Variants in ATRNL1 observed in about 807,000 individuals in gnomAD.
ATRNL1 encodes attractin-like protein 1.
A neutral mutation model predicts 182.7 loss-of-function variants in ATRNL1; 95 were observed. That is an observed-to-expected ratio of 0.52 (90% confidence interval 0.44 to 0.62). The LOEUF (loss-of-function observed/expected upper bound fraction) is 0.62, where lower values mean the gene tolerates loss of function less well. ATRNL1 is among the 20% of genes least tolerant of loss of function. The probability of loss-of-function intolerance (pLI) is 0.00; values close to 1 mark genes in which losing one functional copy is unlikely to be tolerated. For missense variants in ATRNL1, 1,471 were observed against 1,679.5 expected (o/e 0.88, Z 2.17); for synonymous variants, 576 against 568.3 (o/e 1.01, Z -0.19).
chr10:115,407,231 C>A (rs1411648367), intron 20 of ATRNL1, among the ~76,000 whole-genome samples: 1 of 152,058 alleles, frequency 6.6e-6, no homozygotes, highest in Non-Finnish European at 1.5e-5. Flanking sequence ...GTGTTAGGAA[C>A]ATTAACACAA....
intron 19 of ATRNL1, among the ~76,000 whole-genome samples, chr10:115,367,510 C>T (rs1554946376): frequency 6.6e-6 from 1 of 151,798 alleles, no homozygotes; most frequent in Non-Finnish European, 1.5e-5. Context: ...AAGCCTTCTT[C>T]TCTCAGCTCG....
intron 27 of ATRNL1, among the ~76,000 whole-genome samples, chr10:115,764,253 C>T (rs1203436427): frequency 2.0e-5 from 3 of 152,186 alleles, no homozygotes; most frequent in African/African-American, 7.2e-5. Flanking sequence ...TCATCATTAT[C>T]AGCATCCCCA....
intron 26 of ATRNL1, among the ~76,000 whole-genome samples, chr10:115,690,112 G>A (rs991070652): frequency 6.6e-6 from 1 of 152,112 alleles, no homozygotes; most frequent in Non-Finnish European, 1.5e-5. Context: ...GTCCCAGACA[G>A]GGAGGTCTTG....
chr10:115,745,131 C>G (rs114035602), intron 27 of ATRNL1, among the ~76,000 whole-genome samples: 43 of 146,500 alleles, frequency 2.9e-4, no homozygotes, highest in African/African-American at 1.1e-3. Context: ...GAAAATGGAA[C>G]TTTTTTTTTT....
At chr10:115,586,802 T>G (rs1555010085) in intron 26 of ATRNL1, among the ~76,000 whole-genome samples, 1 of 114,572 alleles carries the variant, frequency 8.7e-6, no homozygotes, top group African/African-American at 2.7e-5. Context: ...GGTGAGGAAC[T>G]GCATTCCTTT....
chr10:115,767,019 G>A (rs1249485760), intron 27 of ATRNL1, among the ~76,000 whole-genome samples: 4 of 152,064 alleles, frequency 2.6e-5, no homozygotes, highest in African/African-American at 9.7e-5. Flanking sequence ...TTTTTAGACT[G>A]CAAAGCCTTT....
chr10:115,613,765 C>T (rs1266216312), intron 26 of ATRNL1, among the ~76,000 whole-genome samples: 1 of 151,626 alleles, frequency 6.6e-6, no homozygotes, highest in African/African-American at 2.4e-5. Context: ...TTTATTTTTC[C>T]CAGAATTTAT....
chr10:115,286,470 G>T (rs1400561709), intron 15 of ATRNL1, 73 bp downstream of exon 15: 1 of 982,168 alleles, frequency 1.0e-6, no homozygotes, highest in Non-Finnish European at 1.4e-6. Context: ...TTTTTTTTTG[G>T]TTTTAATACA....
intron 24 of ATRNL1, among the ~76,000 whole-genome samples, chr10:115,492,495 C>T (rs547695257): frequency 1.3e-5 from 2 of 150,498 alleles, no homozygotes; most frequent in Admixed American, 1.3e-4. Flanking sequence ...TATTAGTTTA[C>T]TTTGAGGTTC....
At chr10:115,717,548 C>CTTTTTTTTTTTTTTTTTTTTTTTT (rs61386440) in intron 26 of ATRNL1, among the ~76,000 whole-genome samples, 1 of 84,350 alleles carries the variant, frequency 1.2e-5, no homozygotes. Flanking sequence ...CTGAAATGTT[C>CTTTTTTTTTTTTTTTTTTTTTTTT]TTTTTTTTTT....
chr10:115,305,755 T>C (rs955938356), intron 17 of ATRNL1, among the ~76,000 whole-genome samples: 4 of 152,152 alleles, frequency 2.6e-5, no homozygotes, highest in Non-Finnish European at 4.4e-5. Context: ...TGTTTAGAAA[T>C]GCGTATTTAG....
At chr10:115,838,676 G>T (rs894560566) in intron 27 of ATRNL1, among the ~76,000 whole-genome samples, 1 of 152,112 alleles carries the variant, frequency 6.6e-6, no homozygotes, top group Non-Finnish European at 1.5e-5. Context: ...TTAGCATTCT[G>T]TGAAAGCTGA....
intron 21 of ATRNL1, among the ~76,000 whole-genome samples, chr10:115,434,182 T>C (rs76812420): frequency 0.031 from 4,788 of 152,258 alleles, 243 homozygotes; most frequent in African/African-American, 0.11. Flanking sequence ...ATAATATTAT[T>C]GTGAATGTTT....
intron 27 of ATRNL1, among the ~76,000 whole-genome samples, chr10:115,804,502 G>A (rs1441315366): frequency 6.6e-6 from 1 of 152,140 alleles, no homozygotes; most frequent in East Asian, 1.9e-4. Flanking sequence ...ACAATGAGAA[G>A]ACAGCCATGT....
At chr10:115,466,369 G>A (rs1370096183) in intron 22 of ATRNL1, among the ~76,000 whole-genome samples, 4 of 151,242 alleles carry the variant, frequency 2.6e-5, no homozygotes, top group Non-Finnish European at 5.9e-5. Flanking sequence ...TTAAAATAAA[G>A]CATAATACAC....
At chr10:115,336,928 C>T (rs1855508741) in intron 19 of ATRNL1, among the ~76,000 whole-genome samples, 1 of 150,366 alleles carries the variant, frequency 6.7e-6, no homozygotes, top group Admixed American at 6.6e-5. Context: ...TCACTGCAAC[C>T]TCTGTGTCCT....
chr10:115,509,587 A>T (rs1269958611), intron 24 of ATRNL1, among the ~76,000 whole-genome samples: 2 of 151,914 alleles, frequency 1.3e-5, no homozygotes, highest in African/African-American at 4.8e-5. Context: ...CCATGATTCT[A>T]AGTTTACTGA....
At chr10:115,462,349 C>G (rs1240911244) in intron 22 of ATRNL1, among the ~76,000 whole-genome samples, 5 of 152,142 alleles carry the variant, frequency 3.3e-5, no homozygotes, top group Non-Finnish European at 5.9e-5. Context: ...CGCAGTGGCT[C>G]ATGCCTGTAA....
chr10:115,418,012 G>A (rs560421271), intron 20 of ATRNL1, among the ~76,000 whole-genome samples: 1 of 152,186 alleles, frequency 6.6e-6, no homozygotes, highest in Admixed American at 6.5e-5. Context: ...ACACATTGTT[G>A]CATGTCCATA....
Sources: allele counts gnomAD v4.1 joint callset (sites outside exome capture counted in the v4.1 genomes callset), GRCh38; gene constraint gnomAD v4.1.1; transcripts MANE v1.5; gene names NCBI Gene and HGNC (gene_info 2026-07-23, HGNC 2026-07-21).